TRIO: variants seen among roughly 807,000 people sequenced by gnomAD.
TRIO encodes the protein triple functional domain protein.
A neutral mutation model predicts 351.9 loss-of-function variants in TRIO; 58 were observed. The observed-to-expected ratio is 0.16, with a 90% CI of 0.13 to 0.21. TRIO has a LOEUF of 0.21. Ranked by LOEUF, TRIO falls within the 10% of genes least tolerant of loss-of-function variation. TRIO has a pLI of 1.00. For missense variants in TRIO, 3,201 were observed against 4,027.8 expected, an observed-to-expected ratio of 0.79 and a Z score of 5.56; for synonymous variants, 1,758 against 1,595.7, an observed-to-expected ratio of 1.10 and a Z score of -2.42.
At chr5:14,431,001 T>G (rs376896131) in intron 34 of TRIO, among the ~76,000 whole-genome samples, 61 of 152,346 alleles carry the variant, frequency 4.0e-4, no homozygotes, top group African/African-American at 1.4e-3. Flanking sequence ...CATGAGCCAC[T>G]GCGCCTGGCC....
rs1232528863 is a variant in TRIO at position 14,459,912 on chromosome 5, T to C, written c.5204-1107T>C. On this transcript the variant is annotated intron_variant, in intron 34 of 56. Transcript: ENST00000344204. The stretch of plus-strand genomic sequence containing the variant: ...TTCCCCTCCTCACATTTCTTTTCTT[T>C]TTTTTCTTTTTTCTTTTTTTGGGGA... Among the ~76,000 whole-genome samples the C allele has an allele frequency of 1.1e-4, 16 of 152,138 alleles. No individual in the cohort carries two copies. The East Asian group carries it at 3.1e-3, about 29-fold the overall frequency.
chr5:14,322,889 A>T (rs887299731), intron 9 of TRIO, among the ~76,000 whole-genome samples: 1 of 152,082 alleles, frequency 6.6e-6, no homozygotes, highest in Non-Finnish European at 1.5e-5. Context: ...TTGGTTTTGG[A>T]TTGGGAACTA....
At chr5:14,321,547 A>G (rs1426249400) in intron 9 of TRIO, among the ~76,000 whole-genome samples, 2 of 152,122 alleles carry the variant, frequency 1.3e-5, no homozygotes, top group African/African-American at 4.8e-5. Flanking sequence ...ATTGAACTTT[A>G]CCCATTTCAC....
chr5:14,143,787 C>A lies in TRIO; in HGVS notation c.62C>A (p.Ala21Asp), dbSNP rs1581221694. The A allele has an allele frequency of 9.7e-7, 1 of 1,030,904 alleles. No homozygotes were observed. Among genetic ancestry groups the A allele is most frequent in the Non-Finnish European group, 1.2e-6 (1 of 861,564 alleles). 63.9% of individuals were successfully genotyped at this position (1,030,904 alleles called of 1,614,324 possible). The change falls in exon 1 of 57, where the codon GCC becomes GAC. Residue 21 changes from alanine to aspartate, a missense_variant. Ala to Asp is a moderately radical substitution (Grantham distance 126, BLOSUM62 -2). Coordinates refer to ENST00000344204, the MANE Select transcript of TRIO (RefSeq NM_007118.4). ...PAASSGPAAA[A>D]SAAGSGCGGG... The stretch of plus-strand genomic sequence containing the variant: ...GCGTCCTCCGGCCCCGCCGCGGCGG[C>A]CAGCGCGGCTGGCTCGGGCTGCGGG...
chr5:14,153,240 C>T (rs934957304), intron 1 of TRIO, among the ~76,000 whole-genome samples: 1 of 152,200 alleles, frequency 6.6e-6, no homozygotes, highest in Non-Finnish European at 1.5e-5. Flanking sequence ...CTTGCCACAC[C>T]CTTGCTATCC....
intron 34 of TRIO, among the ~76,000 whole-genome samples, chr5:14,436,095 T>G (rs1310843484): frequency 6.6e-6 from 1 of 152,170 alleles, no homozygotes; most frequent in African/African-American, 2.4e-5. Flanking sequence ...CTCCGTCTCT[T>G]CTTGTATTCA....
chr5:14,216,569 T>C (rs370749867), intron 1 of TRIO, among the ~76,000 whole-genome samples: 3 of 152,384 alleles, frequency 2.0e-5, no homozygotes, highest in East Asian at 1.9e-4. Context: ...GTTCTCATAA[T>C]ACTGACATCA....
At chr5:14,445,590 A>G (rs985518180) in intron 34 of TRIO, among the ~76,000 whole-genome samples, 5 of 152,208 alleles carry the variant, frequency 3.3e-5, no homozygotes, top group African/African-American at 1.2e-4. Context: ...ACTTCTTGTT[A>G]AAATCAACAA....
intron 7 of TRIO, 99 bp downstream of exon 7, chr5:14,297,362 T>C: frequency 7.3e-7 from 1 of 1,363,486 alleles, no homozygotes; most frequent in Non-Finnish European, 9.9e-7. Context: ...TAGCACATAC[T>C]GTGAGCTCCG....
chr5:14,231,140 G>C (rs1027782751), intron 1 of TRIO, among the ~76,000 whole-genome samples: 15 of 152,234 alleles, frequency 9.9e-5, no homozygotes, highest in Non-Finnish European at 1.9e-4. Flanking sequence ...CAACCCTCTC[G>C]ATCCTCTTGT....
rs771852812 is a variant in TRIO at position 14,390,232 on chromosome 5, A to G, written c.4060A>G (p.Ile1354Val). 4.3e-6 allele frequency: 7 copies of G among 1,613,550 alleles called. No individual in the cohort carries two copies. Among genetic ancestry groups the G allele is most frequent in the East Asian group, 2.2e-5 (1 of 44,882 alleles). ...MQEIYEFHNN[I>V]FLKELEKYEQ... is the part of the protein sequence containing the mutation. ...TGATACCATTTTTATTCTTTGCAGC[A>G]TATTCCTAAAGGAGCTGGAAAAATA... The change falls in exon 26 of 57, where the codon ATA (isoleucine) becomes GTA (valine). Residue 1354 changes from isoleucine (I) to valine (V), a missense_variant and splice_region_variant. Around this residue, in one of 19 missense-constraint regions of TRIO, gnomAD observed 115 missense variants for 239.6 expected, o/e 0.48. Transcript: ENST00000344204.
chr5:14,212,891 C>G (rs1243335942), intron 1 of TRIO, among the ~76,000 whole-genome samples: 3 of 150,904 alleles, frequency 2.0e-5, no homozygotes, highest in African/African-American at 7.5e-5. Context: ...AATCAGGAGA[C>G]CAAATAGGGT....
At chr5:14,341,079 G>A (rs1741900380) in intron 11 of TRIO, among the ~76,000 whole-genome samples, 3 of 152,200 alleles carry the variant, frequency 2.0e-5, no homozygotes, top group Admixed American at 6.5e-5. Flanking sequence ...CCTGACATAA[G>A]TTTGGGTTTG....
intron 53 of TRIO, among the ~76,000 whole-genome samples, chr5:14,499,458 C>T (rs1757123630): frequency 6.6e-6 from 1 of 152,180 alleles, no homozygotes; most frequent in Non-Finnish European, 1.5e-5. Flanking sequence ...GGAGGTGCCT[C>T]CAGAGGACAA....
In TRIO at chr5:14,487,675, C is replaced by A; in HGVS notation, c.7047C>A (p.Pro2349=). ...SRIPQPVRHH[P]PVLVSSAASS... is the part of the protein sequence containing the mutation. ...TCCCCCAGCCTGTCCGACACCACCC[C>A]CCCGTGCTGGTCTCCTCTGCAGCCT... Residue 2349 remains proline, a synonymous_variant, in exon 48 of 57, where the codon CCC becomes CCA. Transcript: ENST00000344204. The A allele has an allele frequency of 7.1e-7, 1 of 1,410,384 alleles. No homozygotes were observed. The highest frequency in any genetic ancestry group is 9.3e-7 in the Non-Finnish European group (1 of 1,070,790). 87.4% of individuals were successfully genotyped at this position (1,410,384 alleles called of 1,614,324 possible). A position where few individuals can be genotyped will look rare whatever the true frequency, so the allele number is the denominator to read the frequency against.
chr5:14,364,018 G>A (rs1256199307), intron 14 of TRIO, 91 bp downstream of exon 14: 2 of 1,322,348 alleles, frequency 1.5e-6, no homozygotes, highest in East Asian at 2.4e-5. Context: ...TGCAAATTTT[G>A]TTAGTTCCTA....
At chr5:14,380,532 G>GA (rs34256806) in intron 20 of TRIO, among the ~76,000 whole-genome samples, 42,261 of 152,096 alleles carry the variant, frequency 0.28, 6,050 homozygotes, top group Middle Eastern at 0.37. Context: ...GTCCCTTCCT[G>GA]AAAAGGCTCA....
At chr5:14,245,337 T>C (rs1376487395) in intron 1 of TRIO, among the ~76,000 whole-genome samples, 2 of 152,192 alleles carry the variant, frequency 1.3e-5, no homozygotes, top group African/African-American at 4.8e-5. Flanking sequence ...ACATTCTTCT[T>C]GAATGTGTGT....
chr5:14,452,114 A>C (rs1024024726), intron 34 of TRIO, among the ~76,000 whole-genome samples: 3 of 152,234 alleles, frequency 2.0e-5, no homozygotes, highest in Non-Finnish European at 2.9e-5. Flanking sequence ...GTTATGTGGC[A>C]TGAGGGCTGC....
Sources: allele counts gnomAD v4.1 joint callset (sites outside exome capture counted in the v4.1 genomes callset), GRCh38; gene constraint gnomAD v4.1.1; regional missense constraint gnomAD v4.1.1; transcripts MANE v1.5; gene names NCBI Gene and HGNC (gene_info 2026-07-23, HGNC 2026-07-21).